AKR1C8: variants seen among roughly 807,000 people sequenced by gnomAD.
The protein encoded by AKR1C8 is aldo-keto reductase family 1 member C-like protein 1.
chr10:5,131,308 C>A, the AKR1C8 span, among the ~76,000 whole-genome samples: 7 of 151,626 alleles, frequency 4.6e-5, no homozygotes, highest in Non-Finnish European at 1.0e-4. Context: ...AGCAAATGCA[C>A]AAAAAACAAA....
chr10:5,181,764 C>G, the AKR1C8 span, among the ~76,000 whole-genome samples: 3 of 151,918 alleles, frequency 2.0e-5, no homozygotes, highest in African/African-American at 7.3e-5. Flanking sequence ...CAGAAATAAC[C>G]AAATTACTTT....
chr10:5,120,490 GTTCT>G, the AKR1C8 span, among the ~76,000 whole-genome samples: 42 of 152,124 alleles, frequency 2.8e-4, 2 homozygotes, highest in South Asian at 8.3e-3. Flanking sequence ...CTTTTCCCGT[GTTCT>G]TTTTTTTCAT....
At chr10:5,138,731 T>C in the AKR1C8 span, among the ~76,000 whole-genome samples, 2 of 152,160 alleles carry the variant, frequency 1.3e-5, no homozygotes, top group Admixed American at 6.6e-5. Context: ...GGTCCCTCCA[T>C]TCGGCGTCCC....
At chr10:5,153,449 A>G in the AKR1C8 span, among the ~76,000 whole-genome samples, 2 of 152,300 alleles carry the variant, frequency 1.3e-5, no homozygotes, top group Admixed American at 1.3e-4. Context: ...AGTTTATAAA[A>G]ACACATATGT....
At chr10:5,173,870 T>C in the AKR1C8 span, among the ~76,000 whole-genome samples, 2 of 152,178 alleles carry the variant, frequency 1.3e-5, no homozygotes, top group South Asian at 2.1e-4. Context: ...AAAGGTTTTA[T>C]TCTCAGTCAA....
the AKR1C8 span, among the ~76,000 whole-genome samples, chr10:5,135,764 C>T: frequency 2.4e-4 from 37 of 151,956 alleles, no homozygotes; most frequent in South Asian, 6.2e-4. Context: ...TCACATGATG[C>T]TAAAGGAATG....
At chr10:5,124,828 A>G in the AKR1C8 span, among the ~76,000 whole-genome samples, 1 of 152,192 alleles carries the variant, frequency 6.6e-6, no homozygotes, top group African/African-American at 2.4e-5. Context: ...CAAAATTAGC[A>G]TGACTAATTG....
the AKR1C8 span, chr10:5,162,938 T>G: frequency 1.9e-6 from 1 of 534,710 alleles, no homozygotes; most frequent in South Asian, 1.4e-5. Flanking sequence ...CTCCTCATTT[T>G]GGTATAAGTA....
chr10:5,185,145 C>T, the AKR1C8 span: 765 of 533,370 alleles, frequency 1.4e-3, 6 homozygotes, highest in African/African-American at 0.013. Context: ...TCACTGACAG[C>T]CCAGTAGGAG....
At chr10:5,167,583 A>G in the AKR1C8 span, among the ~76,000 whole-genome samples, 1 of 152,196 alleles carries the variant, frequency 6.6e-6, no homozygotes, top group Non-Finnish European at 1.5e-5. Context: ...GAATTGAACA[A>G]TGAGAACACA....
chr10:5,161,616 G>A, the AKR1C8 span: 147,232 of 504,774 alleles, frequency 0.29, 24,159 homozygotes, highest in Non-Finnish European at 0.36. Flanking sequence ...GGTAGAGGAA[G>A]TGAGATCATT....
chr10:5,138,190 C>T, the AKR1C8 span, among the ~76,000 whole-genome samples: 1 of 152,010 alleles, frequency 6.6e-6, no homozygotes, highest in Non-Finnish European at 1.5e-5. Flanking sequence ...CCTAGTAAGC[C>T]CAAGGGTACT....
the AKR1C8 span, among the ~76,000 whole-genome samples, chr10:5,176,635 G>C: frequency 6.6e-6 from 1 of 151,440 alleles, no homozygotes; most frequent in African/African-American, 2.4e-5. Flanking sequence ...CCATTTGTTT[G>C]TATCCTCTTT....
the AKR1C8 span, chr10:5,161,640 C>T: frequency 5.7e-6 from 3 of 527,528 alleles, no homozygotes; most frequent in Non-Finnish European, 1.2e-5. Flanking sequence ...TCTGAATCCC[C>T]CTTAAGGCTG....
chr10:5,135,310 G>A, the AKR1C8 span: 2 of 161,030 alleles, frequency 1.2e-5, no homozygotes, highest in East Asian at 3.8e-4. Flanking sequence ...TAAACAATGG[G>A]CAGGCAATGC....
At chr10:5,123,681 T>C in the AKR1C8 span, 3 of 1,571,994 alleles carry the variant, frequency 1.9e-6, no homozygotes, top group East Asian at 4.5e-5. Flanking sequence ...AAAATGGCAT[T>C]TTAGGTAAAC....
the AKR1C8 span, chr10:5,132,673 C>T: frequency 1.3e-6 from 2 of 1,592,436 alleles, no homozygotes; most frequent in South Asian, 1.1e-5. Flanking sequence ...GCCAGTCCAA[C>T]CTGCTCCTCA....
At chr10:5,146,176 C>T in the AKR1C8 span, among the ~76,000 whole-genome samples, 2,173 of 125,152 alleles carry the variant, frequency 0.017, 24 homozygotes, top group Admixed American at 0.03. Context: ...GGAAGGGGAA[C>T]ATCACACTCT....
the AKR1C8 span, among the ~76,000 whole-genome samples, chr10:5,126,816 T>C: frequency 6.6e-6 from 1 of 151,806 alleles, no homozygotes; most frequent in Non-Finnish European, 1.5e-5. Flanking sequence ...ACAAAGACTC[T>C]CTATAACCAA....
Sources: gnomAD v4.1 joint callset for allele counts (sites outside exome capture counted in the v4.1 genomes callset) on GRCh38, gnomAD v4.1.1 for gene constraint, MANE v1.5 for transcripts, NCBI Gene and HGNC (gene_info 2026-07-23, HGNC 2026-07-21) for gene names.